The following PRIMPOL variants were observed in gnomAD, a reference collection of about 807,000 sequenced individuals.
The protein encoded by PRIMPOL is primase and DNA directed polymerase.
In PRIMPOL, 54 loss-of-function variants were observed where a neutral mutation model predicts 63.6. That is an observed-to-expected ratio of 0.85 (90% CI 0.68 to 1.07). The LOEUF (loss-of-function observed/expected upper bound fraction) is 1.07, where lower values mean the gene tolerates loss of function less well. Among genes scored for constraint, PRIMPOL ranks in the 50% least tolerant of loss-of-function variants. PRIMPOL has a pLI of 0.00. For missense variants in PRIMPOL, 610 were observed against 648.3 expected, an observed-to-expected ratio of 0.94 and a Z score of 0.64; for synonymous variants, 197 against 220.2, an observed-to-expected ratio of 0.89 and a Z score of 0.93.
At chr4:184,655,821 A>G (rs907475078) in intron 2 of PRIMPOL, among the ~76,000 whole-genome samples, 4 of 152,344 alleles carry the variant, frequency 2.6e-5, no homozygotes, top group East Asian at 3.9e-4. Context: ...AAAAGCCCCA[A>G]TATATCTGTT....
intron 3 of PRIMPOL, 143 bp from the exon 4 acceptor site, chr4:184,659,197 G>T: frequency 3.2e-6 from 2 of 633,654 alleles, no homozygotes; most frequent in Non-Finnish European, 5.6e-6. Context: ...GTGACTATTT[G>T]TCTTGTTTTT....
At chr4:184,682,471 C>T (rs894608917) in intron 9 of PRIMPOL, 135 bp downstream of exon 9, 13 of 537,896 alleles carry the variant, frequency 2.4e-5, no homozygotes, top group Admixed American at 6.1e-5. Context: ...CCTCAGCCTC[C>T]GGAGTAGTTG....
At position 184,672,276 on chromosome 4, in the gene PRIMPOL, A is replaced by C; in HGVS notation, c.660A>C (p.Ser220=). 1 of 1,614,128 alleles carries C rather than the reference A, an allele frequency of 6.2e-7. No individual in the cohort carries two copies. The highest frequency in any genetic ancestry group is 8.5e-7 in the Non-Finnish European group (1 of 1,180,018). Reference sequence around the variant, plus strand: ...CAGGCCATGGATTTCCCCATTTTTCAGAAGCACCTGCAAGACAAGGATTTT... The same window carrying C: ...CAGGCCATGGATTTCCCCATTTTTCCGAAGCACCTGCAAGACAAGGATTTT... ...ETTGHGFPHF[S]EAPARQGFSF... is the part of the protein sequence containing the mutation. Residue 220 remains serine (S), a synonymous_variant, in exon 7 of 14, where the codon TCA becomes TCC. Coordinates refer to ENST00000314970, the MANE Select transcript of PRIMPOL (RefSeq NM_152683.4).
chr4:184,664,807 A>G (rs1057499436), intron 5 of PRIMPOL, among the ~76,000 whole-genome samples: 2 of 152,228 alleles, frequency 1.3e-5, no homozygotes, highest in African/African-American at 4.8e-5. Flanking sequence ...CCTGTAATAC[A>G]GAGGAAACAT....
rs1047592521 is a variant in PRIMPOL, at chr4:184,661,747, T to G, written c.279-27T>G. ...ATCAATAAAGGTATAATATATCAAT[T>G]TAACAATCTTGAATTATTCAATTTA... is the stretch of plus-strand genomic sequence containing the variant. On this transcript the variant is annotated intron_variant, in intron 4 of 13. Transcript: ENST00000314970. 15 of 1,454,848 alleles carry G rather than the reference T, an allele frequency of 1.0e-5. No homozygotes were observed. The South Asian group carries it at 1.5e-4, about 15-fold the overall frequency. The allele number at this position is 1,454,848 out of a possible 1,614,324, so 90.1% of individuals were successfully genotyped here.
chr4:184,655,126 C>T (rs1745954694), intron 2 of PRIMPOL, among the ~76,000 whole-genome samples: 1 of 151,976 alleles, frequency 6.6e-6, no homozygotes, highest in Non-Finnish European at 1.5e-5. Flanking sequence ...TTTCCTGTCT[C>T]AGCCTCCCAA....
At chr4:184,689,779 A>G (rs1410782452) in intron 11 of PRIMPOL, among the ~76,000 whole-genome samples, 1 of 152,120 alleles carries the variant, frequency 6.6e-6, no homozygotes, top group Non-Finnish European at 1.5e-5. Context: ...TTTCTATTAC[A>G]ACCACACCCC....
At chr4:184,661,656 A>G (rs1748345785) in intron 4 of PRIMPOL, 118 bp from the exon 5 acceptor site, 1 of 571,492 alleles carries the variant, frequency 1.7e-6, no homozygotes, top group Non-Finnish European at 2.9e-6. Flanking sequence ...CAGTGAACCG[A>G]GATCACACCA....
chr4:184,663,024 A>ATTATTG, intron 5 of PRIMPOL, among the ~76,000 whole-genome samples: 1 of 136,416 alleles, frequency 7.3e-6, no homozygotes, highest in Admixed American at 7.2e-5. Context: ...AACCTTTATT[A>ATTATTG]TTATTATTAT....
chr4:184,679,419 G>T (rs1755002139), intron 8 of PRIMPOL, among the ~76,000 whole-genome samples: 1 of 152,108 alleles, frequency 6.6e-6, no homozygotes, highest in Admixed American at 6.5e-5. Flanking sequence ...ATGCACCACT[G>T]CACTCCAGCC....
chr4:184,681,919 T>C (rs78430201), intron 8 of PRIMPOL, among the ~76,000 whole-genome samples: 1 of 152,212 alleles, frequency 6.6e-6, no homozygotes, highest in Non-Finnish European at 1.5e-5. Flanking sequence ...CTGCTGTTGG[T>C]TGAATCTGCA....
At chr4:184,653,461 C>T (rs1207205356) in intron 2 of PRIMPOL, among the ~76,000 whole-genome samples, 1 of 152,178 alleles carries the variant, frequency 6.6e-6, no homozygotes, top group African/African-American at 2.4e-5. Context: ...CATGGTTAAA[C>T]AAACATTCTG....
chr4:184,670,907 A>G lies in PRIMPOL; in HGVS notation c.557-1266A>G, dbSNP rs141830618. Among the ~76,000 whole-genome samples, 254 of 152,322 alleles carry G rather than the reference A, an allele frequency of 1.7e-3. 1 individual carries two copies. The highest frequency in any genetic ancestry group is 6.0e-3 in the African/African-American group (248 of 41,564). On this transcript the variant is annotated intron_variant, in intron 6 of 13. Coordinates refer to ENST00000314970, the MANE Select transcript of PRIMPOL (RefSeq NM_152683.4). Reference sequence around the variant, plus strand: ...ATAAAAATGTGAATTTAGAGTATGCATTTGTTAATGTAAGGGCCCAAGCTT... The same window carrying G: ...ATAAAAATGTGAATTTAGAGTATGCGTTTGTTAATGTAAGGGCCCAAGCTT...
At chr4:184,655,694 T>C (rs543714918) in intron 2 of PRIMPOL, among the ~76,000 whole-genome samples, 1 of 152,326 alleles carries the variant, frequency 6.6e-6, no homozygotes, top group South Asian at 2.1e-4. Flanking sequence ...TTTGTGTTGC[T>C]GCAAAGTTTT....
At chr4:184,689,538 T>C (rs1044476355) in intron 11 of PRIMPOL, among the ~76,000 whole-genome samples, 2 of 117,174 alleles carry the variant, frequency 1.7e-5, no homozygotes, top group East Asian at 6.0e-4. Flanking sequence ...CTGCAACCTC[T>C]GCCTCCTGGC....
intron 11 of PRIMPOL, among the ~76,000 whole-genome samples, chr4:184,690,974 G>A (rs949062127): frequency 2.0e-5 from 3 of 152,154 alleles, no homozygotes; most frequent in Non-Finnish European, 4.4e-5. Context: ...TCTGTATGAA[G>A]TGATGATTTT....
chr4:184,673,351 G>A (rs1215276047), intron 7 of PRIMPOL, among the ~76,000 whole-genome samples: 1 of 150,728 alleles, frequency 6.6e-6, no homozygotes. Flanking sequence ...AGATGGTCTC[G>A]ATCTCCTGAC....
intron 11 of PRIMPOL, among the ~76,000 whole-genome samples, chr4:184,690,169 T>C (rs886640744): frequency 6.6e-6 from 1 of 152,172 alleles, no homozygotes; most frequent in East Asian, 1.9e-4. Flanking sequence ...ATCAAATCTT[T>C]AAGAATTTTA....
At position 184,685,670 on chromosome 4, in the gene PRIMPOL, G is replaced by A. The variant is rs753537664; in HGVS notation, c.1281G>A (p.Lys427=). ...GTGAAAACATTGGAAGAGCCCATAAGAGTAATAATATAATGTAAGTAATAT... is the reference window on the plus strand; with the variant it reads ...GTGAAAACATTGGAAGAGCCCATAAAAGTAATAATATAATGTAAGTAATAT... ...RWCENIGRAH[K]SNNIMILVDL... The change falls in exon 11 of 14, where the codon AAG becomes AAA. Residue 427 remains lysine, a synonymous_variant. Transcript: ENST00000314970. 1.3e-5 allele frequency: 19 copies of A among 1,501,218 alleles called. No individual in the cohort carries two copies. The highest frequency in any genetic ancestry group is 1.6e-5 in the Non-Finnish European group (17 of 1,079,440). The allele number at this position is 1,501,218 out of a possible 1,614,324, so 93.0% of individuals were successfully genotyped here. A position where few individuals can be genotyped will look rare whatever the true frequency, so the allele number is the denominator to read the frequency against.
Sources: gnomAD v4.1 joint callset for allele counts (sites outside exome capture counted in the v4.1 genomes callset) on GRCh38, gnomAD v4.1.1 for gene constraint, MANE v1.5 for transcripts, NCBI Gene and HGNC (gene_info 2026-07-23, HGNC 2026-07-21) for gene names.